ATL1: variants seen among roughly 807,000 people sequenced by gnomAD.
The protein encoded by ATL1 is atlastin GTPase 1.
In ATL1, 31 loss-of-function variants were observed where a neutral mutation model predicts 75.5. The observed-to-expected ratio is 0.41, with a 90% CI of 0.31 to 0.55. ATL1 has a LOEUF of 0.55. Among genes scored for constraint, ATL1 ranks in the 20% least tolerant of loss-of-function variants. The probability of loss-of-function intolerance (pLI) is 0.27; values close to 1 mark genes in which losing one functional copy is unlikely to be tolerated. For missense variants in ATL1, 405 were observed against 662.6 expected, an observed-to-expected ratio of 0.61 and a Z score of 4.27; for synonymous variants, 226 against 233.3, an observed-to-expected ratio of 0.97 and a Z score of 0.28.
chr14:50,593,968 G>C lies in ATL1; in HGVS notation c.573+72G>C. 4.3e-6 allele frequency: 5 copies of C among 1,155,430 alleles called. No homozygotes were observed. In the South Asian group the frequency reaches 6.2e-5, roughly 14 times the overall value. The allele number at this position is 1,155,430 out of a possible 1,614,324, so 71.6% of individuals were successfully genotyped here. A position where few individuals can be genotyped will look rare whatever the true frequency, so the allele number is the denominator to read the frequency against. On this transcript the variant is annotated intron_variant, in intron 5 of 13. Coordinates refer to ENST00000358385, the MANE Select transcript of ATL1 (RefSeq NM_015915.5). ...CATGTATAGCAGAACTTTGGGGAAT[G>C]ATTTCAAAACATAATCAGATTCTGA...
chr14:50,625,897 G>A (rs1279671101), intron 11 of ATL1, among the ~76,000 whole-genome samples: 3 of 125,426 alleles, frequency 2.4e-5, no homozygotes, highest in Admixed American at 1.8e-4. Flanking sequence ...AGTGAGACCC[G>A]TCTCAAAAAA....
intron 6 of ATL1, 76 bp downstream of exon 6, chr14:50,595,708 C>T: frequency 7.6e-7 from 1 of 1,321,802 alleles, no homozygotes; most frequent in Non-Finnish European, 1.1e-6. Flanking sequence ...TAATTAGGGT[C>T]ATGTTTCCTT....
chr14:50,539,339 C>T (rs2038533179), intron 1 of ATL1, among the ~76,000 whole-genome samples: 1 of 152,226 alleles, frequency 6.6e-6, no homozygotes, highest in South Asian at 2.1e-4. Flanking sequence ...GCTCTTCTGA[C>T]TGCTTCTGTG....
intron 2 of ATL1, 21 bp from the exon 3 acceptor site, chr14:50,590,920 A>G: frequency 6.2e-7 from 1 of 1,612,376 alleles, no homozygotes; most frequent in Non-Finnish European, 8.5e-7. Flanking sequence ...GTTCCATATC[A>G]TAGACTTTAT....
intron 6 of ATL1, among the ~76,000 whole-genome samples, chr14:50,603,940 G>A (rs908282272): frequency 6.6e-6 from 1 of 152,180 alleles, no homozygotes; most frequent in Non-Finnish European, 1.5e-5. Context: ...AACTAGGTCA[G>A]TGGTGTAGAC....
chr14:50,627,232 T>C (rs1197147562), intron 11 of ATL1, among the ~76,000 whole-genome samples: 1 of 152,248 alleles, frequency 6.6e-6, no homozygotes, highest in Non-Finnish European at 1.5e-5. Context: ...ATCCTTAGCA[T>C]TTTTTGCAAT....
At chr14:50,632,022 C>T (rs925326386) in intron 13 of ATL1, 4 of 402,758 alleles carry the variant, frequency 9.9e-6, no homozygotes, top group East Asian at 9.1e-5. Flanking sequence ...AAACATTCAC[C>T]ACACAGGTCA....
intron 1 of ATL1, among the ~76,000 whole-genome samples, chr14:50,535,457 T>C (rs1291069723): frequency 6.6e-6 from 1 of 152,220 alleles, no homozygotes; most frequent in Non-Finnish European, 1.5e-5. Flanking sequence ...CAACATAAAC[T>C]AATTTCAACA....
chr14:50,554,618 C>G (rs895801696), intron 1 of ATL1, among the ~76,000 whole-genome samples: 3 of 152,120 alleles, frequency 2.0e-5, no homozygotes, highest in Non-Finnish European at 4.4e-5. Flanking sequence ...CCCTGAGAAC[C>G]CAAATATCTC....
chr14:50,590,805 T>A, intron 2 of ATL1, 136 bp from the exon 3 acceptor site: 1 of 831,690 alleles, frequency 1.2e-6, no homozygotes, highest in Non-Finnish European at 1.9e-6. Context: ...AATAAAGTGA[T>A]GGTATCAATG....
intron 1 of ATL1, among the ~76,000 whole-genome samples, chr14:50,567,809 A>T (rs1429485180): frequency 6.6e-6 from 1 of 152,180 alleles, no homozygotes; most frequent in African/African-American, 2.4e-5. Context: ...TCATTCTGTT[A>T]CTGATTTCCA....
intron 1 of ATL1, among the ~76,000 whole-genome samples, chr14:50,583,299 A>G (rs900183904): frequency 6.6e-6 from 1 of 152,212 alleles, no homozygotes; most frequent in African/African-American, 2.4e-5. Flanking sequence ...TGAAAATTGT[A>G]TTTCTGTTTC....
intron 6 of ATL1, among the ~76,000 whole-genome samples, chr14:50,602,585 C>T (rs768123865): frequency 5.3e-5 from 8 of 151,828 alleles, no homozygotes; most frequent in Non-Finnish European, 1.2e-4. Context: ...AGTGGCATTT[C>T]GACATGGTGG....
intron 1 of ATL1, among the ~76,000 whole-genome samples, chr14:50,544,267 G>T (rs574583923): frequency 6.6e-6 from 1 of 152,332 alleles, no homozygotes; most frequent in African/African-American, 2.4e-5. Context: ...AAGCCATGAT[G>T]ATCACTTTGG....
rs2039485027 is a variant in ATL1 at position 50,623,247 on chromosome 14, A to C, written c.1118A>C (p.Glu373Ala). 6.2e-7 allele frequency: 1 copy of C among 1,612,258 alleles called. No individual in the cohort carries two copies. The highest frequency in any genetic ancestry group is 1.3e-5 in the African/African-American group (1 of 74,908). ...AKDTYNKKME[E>A]ICGGDKPFLA... ...GACACATACAACAAAAAAATGGAAG[A>C]GGTAAGAGTTAAATATTTTAAATTC... is the stretch of plus-strand genomic sequence containing the variant. The change falls in exon 11 of 14, where the codon GAG (glutamate) becomes GCG (alanine). Residue 373 changes from glutamate to alanine, a missense_variant and splice_region_variant. This residue lies in a region of ATL1 where 163 missense variants were observed against 244.1 expected (regional missense o/e 0.67). Coordinates refer to ENST00000358385, the MANE Select transcript of ATL1 (RefSeq NM_015915.5).
At chr14:50,536,072 A>G (rs891098905) in intron 1 of ATL1, among the ~76,000 whole-genome samples, 1 of 152,220 alleles carries the variant, frequency 6.6e-6, no homozygotes, top group Non-Finnish European at 1.5e-5. Context: ...ATGGAACTGT[A>G]AGTCCAATTA....
chr14:50,554,582 A>G (rs2038742597), intron 1 of ATL1, among the ~76,000 whole-genome samples: 1 of 152,240 alleles, frequency 6.6e-6, no homozygotes, highest in African/African-American at 2.4e-5. Flanking sequence ...AGCCAAGACC[A>G]TGATGCCCAC....
chr14:50,552,630 T>C (rs1326843916), intron 1 of ATL1, among the ~76,000 whole-genome samples: 1 of 152,206 alleles, frequency 6.6e-6, no homozygotes, highest in Non-Finnish European at 1.5e-5. Flanking sequence ...GAGGCTATAG[T>C]TACCAAAACA....
In ATL1 at chr14:50,591,834, A is replaced by C. The variant is rs2039161650; in HGVS notation, c.522+195A>C. The C allele has an allele frequency of 5.5e-6, 3 of 546,302 alleles. No homozygotes were observed. The South Asian group carries it at 6.8e-5, about 12-fold the overall frequency. The allele number at this position is 546,302 out of a possible 1,614,324, so 33.8% of individuals were successfully genotyped here. On this transcript the variant is annotated intron_variant, in intron 4 of 13. Coordinates refer to ENST00000358385, the MANE Select transcript of ATL1 (RefSeq NM_015915.5). ...TTGTTACTGTAGTTTAATTACTGAC[A>C]AACTTTCAAATTGACTGCTTTGGTT...
Sources: allele counts gnomAD v4.1 joint callset (sites outside exome capture counted in the v4.1 genomes callset), GRCh38; gene constraint gnomAD v4.1.1; regional missense constraint gnomAD v4.1.1; transcripts MANE v1.5; gene names NCBI Gene and HGNC (gene_info 2026-07-23, HGNC 2026-07-21).